TNIK: variants seen among roughly 807,000 people sequenced by gnomAD.
The protein encoded by TNIK is TRAF2 and NCK interacting kinase.
Under a neutral mutation model 191.3 loss-of-function variants are expected in TNIK, and 49 were observed. That is an observed-to-expected ratio of 0.26 (90% CI 0.20 to 0.32). The LOEUF is 0.32. Among genes scored for constraint, TNIK ranks in the 10% least tolerant of loss-of-function variants. The pLI is 1.00. For synonymous variants in TNIK, 594 were observed against 600.9 expected, an observed-to-expected ratio of 0.99 and a Z score of 0.17; for missense variants, 1,155 against 1,702.3, an observed-to-expected ratio of 0.68 and a Z score of 5.66.
At chr3:171,214,741 CATT>C (rs1425146744) in intron 3 of TNIK, among the ~76,000 whole-genome samples, 3 of 152,136 alleles carry the variant, frequency 2.0e-5, no homozygotes, top group Admixed American at 2.0e-4. Flanking sequence ...CAGTCATATT[CATT>C]ATGTTAACCT....
intron 19 of TNIK, 75 bp downstream of exon 19, chr3:171,110,639 G>A: frequency 6.7e-7 from 1 of 1,482,808 alleles, no homozygotes; most frequent in African/African-American, 1.4e-5. Flanking sequence ...GAGTCAGGAA[G>A]TAACTAACCT....
chr3:171,208,549 T>C (rs1408349433), intron 4 of TNIK, among the ~76,000 whole-genome samples: 1 of 93,920 alleles, frequency 1.1e-5, no homozygotes, highest in Admixed American at 1.2e-4. Context: ...AGTCCTATTT[T>C]ATTTTTGTGT....
chr3:171,095,687 A>AT (rs1722616482), intron 22 of TNIK, among the ~76,000 whole-genome samples: 1 of 152,178 alleles, frequency 6.6e-6, no homozygotes, highest in Non-Finnish European at 1.5e-5. Flanking sequence ...TATTTCAAGG[A>AT]TTTTTATCCA....
At chr3:171,265,276 C>A (rs1411263470) in intron 2 of TNIK, among the ~76,000 whole-genome samples, 1 of 152,152 alleles carries the variant, frequency 6.6e-6, no homozygotes, top group Non-Finnish European at 1.5e-5. Context: ...GAAAATATTT[C>A]AAATAATAGG....
At chr3:171,404,690 A>G (rs1721434144) in intron 1 of TNIK, among the ~76,000 whole-genome samples, 2 of 152,156 alleles carry the variant, frequency 1.3e-5, no homozygotes, top group Admixed American at 1.3e-4. Flanking sequence ...CTTAAGAGTC[A>G]TGTAAGCTCA....
chr3:171,262,901 A>C (rs1747821673), intron 2 of TNIK, among the ~76,000 whole-genome samples: 1 of 152,202 alleles, frequency 6.6e-6, no homozygotes, highest in African/African-American at 2.4e-5. Context: ...AGTAGGAGGC[A>C]AAAATCCATT....
intron 32 of TNIK, 57 bp downstream of exon 32, chr3:171,066,130 G>A: frequency 6.3e-7 from 1 of 1,597,138 alleles, no homozygotes. Flanking sequence ...AGGTTTCACA[G>A]GTACCTGGTG....
At position 171,253,596 on chromosome 3, in the gene TNIK, C is replaced by G. The variant is rs139439209; in HGVS notation, c.124-25375G>C. Among the ~76,000 whole-genome samples the G allele has an allele frequency of 1.0e-3, 142 of 138,270 alleles. 1 individual carries two copies. The highest frequency in any genetic ancestry group is 3.6e-3 in the African/African-American group (138 of 38,388). 90.7% of individuals were successfully genotyped at this position (138,270 alleles called of 152,430 possible). ...AAGAAATCAGAAGACAGGTCCCCCC[C>G]CCACCCCACCCCCAGTTATCTCAAA... On this transcript the variant is annotated intron_variant, in intron 2 of 32. Transcript: ENST00000436636.
intron 22 of TNIK, among the ~76,000 whole-genome samples, chr3:171,099,701 G>A (rs79627982): frequency 0.043 from 6,486 of 152,204 alleles, 466 homozygotes; most frequent in African/African-American, 0.15. Flanking sequence ...CTATGCAGGC[G>A]GGGCTGTGAG....
At chr3:171,436,988 G>A (rs1726109343) in intron 1 of TNIK, among the ~76,000 whole-genome samples, 2 of 152,108 alleles carry the variant, frequency 1.3e-5, no homozygotes, top group Non-Finnish European at 2.9e-5. Flanking sequence ...CAAGCACAGC[G>A]GCATCTGTGC....
chr3:171,085,920 C>T (rs1721300391), intron 24 of TNIK, among the ~76,000 whole-genome samples: 2 of 152,132 alleles, frequency 1.3e-5, no homozygotes, highest in Non-Finnish European at 2.9e-5. Context: ...GAATCTTGGG[C>T]TTGAATGGCA....
In TNIK at chr3:171,434,783, T is replaced by C. The variant is rs138021231; in HGVS notation, c.57+25224A>G. Among the ~76,000 whole-genome samples the C allele has an allele frequency of 2.2e-3, 335 of 152,304 alleles. 2 individuals are homozygous for C. The highest frequency in any genetic ancestry group is 7.5e-3 in the African/African-American group (313 of 41,568). Reference sequence around the variant, plus strand: ...CCCTCATCCTCTTATAATTCTTGTTTCTTTTATGTCTTGCCTTTATTCAAT... The same window carrying C: ...CCCTCATCCTCTTATAATTCTTGTTCCTTTTATGTCTTGCCTTTATTCAAT... On this transcript the variant is annotated intron_variant, in intron 1 of 32. Coordinates refer to ENST00000436636, the MANE Select transcript of TNIK (RefSeq NM_015028.4).
At chr3:171,324,670 T>C (rs1362268626) in intron 2 of TNIK, among the ~76,000 whole-genome samples, 1 of 152,146 alleles carries the variant, frequency 6.6e-6, no homozygotes, top group Non-Finnish European at 1.5e-5. Context: ...AGAAGAGGAC[T>C]GCAGGTAGCT....
intron 2 of TNIK, among the ~76,000 whole-genome samples, chr3:171,235,978 A>T (rs1013152738): frequency 1.5e-4 from 23 of 152,164 alleles, no homozygotes; most frequent in African/African-American, 5.5e-4. Context: ...ATTGGAACCC[A>T]CTTCTCTCTC....
chr3:171,392,614 A>T (rs1445679754), intron 1 of TNIK, among the ~76,000 whole-genome samples: 1 of 151,872 alleles, frequency 6.6e-6, no homozygotes, highest in African/African-American at 2.4e-5. Flanking sequence ...ACCCTGACTC[A>T]ACTAAAAATA....
intron 2 of TNIK, among the ~76,000 whole-genome samples, chr3:171,267,840 C>T (rs547856331): frequency 1.1e-3 from 162 of 152,296 alleles, no homozygotes; most frequent in Non-Finnish European, 1.9e-3. Flanking sequence ...ATTTATTGAA[C>T]AGGTTTACTG....
chr3:171,424,475 A>T (rs956721594), intron 1 of TNIK, among the ~76,000 whole-genome samples: 10 of 152,212 alleles, frequency 6.6e-5, no homozygotes, highest in Non-Finnish European at 1.5e-4. Context: ...CAGCCATCCC[A>T]TTACTGGGTA....
intron 27 of TNIK, among the ~76,000 whole-genome samples, chr3:171,081,962 A>C (rs1312892882): frequency 2.0e-5 from 3 of 152,158 alleles, no homozygotes; most frequent in Admixed American, 6.5e-5. Flanking sequence ...AACCTTAAAA[A>C]CATCCGAAGA....
chr3:171,276,352 T>A (rs1749747887), intron 2 of TNIK, among the ~76,000 whole-genome samples: 2 of 152,076 alleles, frequency 1.3e-5, no homozygotes, highest in African/African-American at 2.4e-5. Flanking sequence ...CAGGTAAGCA[T>A]CAAGCCTAGG....
Sources: gnomAD v4.1 joint callset for allele counts (sites outside exome capture counted in the v4.1 genomes callset) on GRCh38, gnomAD v4.1.1 for gene constraint, MANE v1.5 for transcripts, NCBI Gene and HGNC (gene_info 2026-07-23, HGNC 2026-07-21) for gene names.